SNTG1: variants seen among roughly 807,000 people sequenced by gnomAD.
SNTG1 encodes syntrophin gamma 1, also known as gamma-1-syntrophin.
Under a neutral mutation model 74.7 loss-of-function variants are expected in SNTG1, and 39 were observed. The ratio of observed to expected loss-of-function variants is 0.52; its 90% CI spans 0.40 to 0.68. The LOEUF is 0.68. SNTG1 is among the 30% of genes least tolerant of loss of function. The probability of loss-of-function intolerance (pLI) is 0.00; values close to 1 mark genes in which losing one functional copy is unlikely to be tolerated. For missense variants in SNTG1, 685 were observed against 609.5 expected (o/e 1.12, Z -1.30); for synonymous variants, 254 against 217.1 (o/e 1.17, Z -1.49).
chr8:50,403,943 C>T (rs1350639452), intron 4 of SNTG1, among the ~76,000 whole-genome samples: 1 of 152,080 alleles, frequency 6.6e-6, no homozygotes, highest in South Asian at 2.1e-4. Context: ...TCACCATGCT[C>T]CTACAGCAAG....
chr8:50,431,412 G>A (rs1250867414), intron 4 of SNTG1, among the ~76,000 whole-genome samples: 1 of 152,124 alleles, frequency 6.6e-6, no homozygotes, highest in East Asian at 1.9e-4. Context: ...TCACTGTATA[G>A]ATGTACCACA....
intron 8 of SNTG1, among the ~76,000 whole-genome samples, chr8:50,499,064 G>A (rs1378536140): frequency 2.0e-5 from 3 of 151,496 alleles, no homozygotes; most frequent in Non-Finnish European, 3.0e-5. Context: ...TAATAGCTTT[G>A]CTTTGATTTT....
At chr8:50,248,812 G>T (rs890692950) in intron 2 of SNTG1, among the ~76,000 whole-genome samples, 22 of 152,162 alleles carry the variant, frequency 1.4e-4, no homozygotes, top group African/African-American at 5.3e-4. Flanking sequence ...CATATTTCTT[G>T]AGTACTTACC....
intron 15 of SNTG1, among the ~76,000 whole-genome samples, chr8:50,675,355 G>T (rs1444948144): frequency 6.6e-6 from 1 of 152,078 alleles, no homozygotes; most frequent in Non-Finnish European, 1.5e-5. Flanking sequence ...TCTATTGGGT[G>T]CATATATATT....
At chr8:50,250,865 A>G (rs759188194) in intron 2 of SNTG1, among the ~76,000 whole-genome samples, 1 of 152,114 alleles carries the variant, frequency 6.6e-6, no homozygotes, top group Non-Finnish European at 1.5e-5. Flanking sequence ...AAACAAAAGG[A>G]TAATAATTAA....
chr8:50,474,332 A>T lies in SNTG1; in HGVS notation c.363+23603A>T, dbSNP rs1207646949. On this transcript the variant is annotated intron_variant, in intron 8 of 18. Transcript: ENST00000642720. Reference sequence around the variant, plus strand: ...AATTTTCTCAACCTACTCATCTGACAAAGGGCTAATATCCAGAATCTACAA... The same window carrying T: ...AATTTTCTCAACCTACTCATCTGACTAAGGGCTAATATCCAGAATCTACAA... 3.9e-5 allele frequency among the ~76,000 whole-genome samples: 6 copies of T among 152,100 alleles called. No individual in the cohort carries two copies. The East Asian group carries it at 1.2e-3, about 29-fold the overall frequency.
rs182792107 is a variant in SNTG1, at chr8:50,003,775, T to C, written c.-103+91544T>C. Among the ~76,000 whole-genome samples, 4 of 152,260 alleles carry C rather than the reference T, an allele frequency of 2.6e-5. No individual in the cohort carries two copies. In the East Asian group the frequency reaches 7.7e-4, roughly 29 times the overall value. On this transcript the variant is annotated intron_variant, in intron 1 of 18. Transcript: ENST00000642720. ...TCTAGGGGGAATAAAAATGATTTGG[T>C]CATTTTCTTTCTGGAAAACACCCAA... is the stretch of plus-strand genomic sequence containing the variant.
At position 50,687,322 on chromosome 8, in the gene SNTG1, G is replaced by C. The variant is rs75472927; in HGVS notation, c.1039-17278G>C. On this transcript the variant is annotated intron_variant, in intron 15 of 18. Transcript: ENST00000642720. ...ATCCTTAACTATCAATACTAATCTT[G>C]AGTAGAAATGAATTAAATTCTCCAA... Among the ~76,000 whole-genome samples, 101 of 152,168 alleles carry C rather than the reference G, an allele frequency of 6.6e-4. 1 individual carries two copies. The East Asian group carries it at 0.019, about 28-fold the overall frequency.
intron 11 of SNTG1, among the ~76,000 whole-genome samples, chr8:50,550,904 T>C (rs1469586017): frequency 1.3e-5 from 2 of 152,180 alleles, no homozygotes; most frequent in Non-Finnish European, 2.9e-5. Flanking sequence ...AGTTTTTCCC[T>C]AGTGCTTGAT....
chr8:50,575,044 A>G (rs1027080187), intron 12 of SNTG1, among the ~76,000 whole-genome samples: 1 of 152,158 alleles, frequency 6.6e-6, no homozygotes, highest in Non-Finnish European at 1.5e-5. Flanking sequence ...TCTTACATAG[A>G]TGTCCTTTTC....
intron 2 of SNTG1, among the ~76,000 whole-genome samples, chr8:50,250,585 T>G (rs1446459593): frequency 6.6e-6 from 1 of 152,196 alleles, no homozygotes. Context: ...AAGTTACATA[T>G]AGGGGAATTT....
chr8:50,623,497 G>A (rs73587053), intron 13 of SNTG1, among the ~76,000 whole-genome samples: 3,469 of 152,072 alleles, frequency 0.023, 129 homozygotes, highest in African/African-American at 0.079. Context: ...TTCTAGAATA[G>A]GAAGAACCTA....
chr8:50,445,631 T>C (rs543947300), intron 5 of SNTG1, among the ~76,000 whole-genome samples: 3 of 152,330 alleles, frequency 2.0e-5, no homozygotes, highest in African/African-American at 4.8e-5. Flanking sequence ...GAACGATGTA[T>C]GTGCGAACAT....
At position 50,791,555 on chromosome 8, in the gene SNTG1, G is replaced by A. The variant is rs780401343; in HGVS notation, c.1396-1116G>A. 2.6e-5 allele frequency among the ~76,000 whole-genome samples: 4 copies of A among 151,700 alleles called. No individual in the cohort carries two copies. The Admixed American group carries it at 2.6e-4, about 10-fold the overall frequency. ...TTATTTAAATAGCTGTCTGGTACAC[G>A]ACAGATATTACAATGTGTCATAAAG... is the stretch of plus-strand genomic sequence containing the variant. On this transcript the variant is annotated intron_variant, in intron 18 of 18. Transcript: ENST00000642720.
Position 50,403,806 on chromosome 8 carries a change from G to C in SNTG1, c.162+1462G>C, listed in dbSNP as rs572346421. Reference sequence around the variant, plus strand: ...ACTTTAGCAAGATATGAATAGACAAGAATTTTCTTAATCTGACAACTGTCA... The same window carrying C: ...ACTTTAGCAAGATATGAATAGACAACAATTTTCTTAATCTGACAACTGTCA... On this transcript the variant is annotated intron_variant, in intron 4 of 18. Coordinates refer to ENST00000642720, the MANE Select transcript of SNTG1 (RefSeq NM_018967.5). Among the ~76,000 whole-genome samples the C allele has an allele frequency of 8.1e-4, 123 of 152,232 alleles. 1 individual carries two copies. Among genetic ancestry groups the C allele is most frequent in the South Asian group, 1.9e-3 (9 of 4,826 alleles).
At chr8:50,541,798 A>G (rs1239416744) in intron 11 of SNTG1, among the ~76,000 whole-genome samples, 1 of 151,828 alleles carries the variant, frequency 6.6e-6, no homozygotes, top group East Asian at 1.9e-4. Context: ...TCATCAATCA[A>G]CTTCTCTTCA....
chr8:50,630,071 A>G (rs943101176), intron 13 of SNTG1, among the ~76,000 whole-genome samples: 3 of 152,178 alleles, frequency 2.0e-5, no homozygotes, highest in Admixed American at 6.5e-5. Context: ...TCTATTTTGC[A>G]TGTTGTTGGT....
At chr8:50,728,133 C>A (rs1426645119) in intron 17 of SNTG1, among the ~76,000 whole-genome samples, 1 of 152,180 alleles carries the variant, frequency 6.6e-6, no homozygotes, top group Admixed American at 6.5e-5. Flanking sequence ...AGTCTACCTA[C>A]CTGCCAGGGA....
chr8:50,564,159 GT>G (rs1239632460), intron 12 of SNTG1, among the ~76,000 whole-genome samples: 1 of 150,562 alleles, frequency 6.6e-6, no homozygotes, highest in Non-Finnish European at 1.5e-5. Flanking sequence ...ACTCCTTTCT[GT>G]TTCTCTCTGA....
Sources: allele counts gnomAD v4.1 joint callset (sites outside exome capture counted in the v4.1 genomes callset), GRCh38; gene constraint gnomAD v4.1.1; transcripts MANE v1.5; gene names NCBI Gene and HGNC (gene_info 2026-07-23, HGNC 2026-07-21).